Variants in ARNT2 observed in about 807,000 individuals in gnomAD.
ARNT2 encodes the protein ARNT protein 2.
ARNT2 carries 36 observed loss-of-function variants against 91.7 expected under a neutral mutation model. The observed-to-expected ratio is 0.39, with a 90% CI of 0.30 to 0.52. ARNT2 has a LOEUF of 0.52. Among genes scored for constraint, ARNT2 ranks in the 20% least tolerant of loss-of-function variants. The pLI is 0.72. For synonymous variants in ARNT2, 365 were observed against 347.1 expected, an observed-to-expected ratio of 1.05 and a Z score of -0.57; for missense variants, 775 against 939.3, an observed-to-expected ratio of 0.83 and a Z score of 2.29.
Position 80,529,136 on chromosome 15 carries a change from T to A in ARNT2, c.877+14731T>A, listed in dbSNP as rs192716423. Among the ~76,000 whole-genome samples, 53 of 152,358 alleles carry A rather than the reference T, an allele frequency of 3.5e-4. 1 individual carries two copies. Among genetic ancestry groups the A allele is most frequent in the African/African-American group, 1.2e-3 (48 of 41,592 alleles). On this transcript the variant is annotated intron_variant, in intron 8 of 18. Coordinates refer to ENST00000303329, the MANE Select transcript of ARNT2 (RefSeq NM_014862.4). The stretch of plus-strand genomic sequence containing the variant: ...CTTCATTTCATGACTTCTTGCAAGG[T>A]TGAGAAGTTCTTCCTGTTGCTCTCG...
At chr15:80,447,505 A>G (rs3858942) in intron 1 of ARNT2, among the ~76,000 whole-genome samples, 90,534 of 152,076 alleles carry the variant, frequency 0.6, 27,127 homozygotes, top group East Asian at 0.76. Flanking sequence ...GGTTTAGCCA[A>G]CTTTGCTCTA....
intron 1 of ARNT2, chr15:80,441,233 C>T: frequency 1.0e-6 from 1 of 985,388 alleles, no homozygotes; most frequent in Non-Finnish European, 1.2e-6. Context: ...GTAAACAGAT[C>T]TGTGATGACA....
chr15:80,425,023 T>C lies in ARNT2; in HGVS notation c.31+20477T>C, dbSNP rs566249579. 1.8e-4 allele frequency among the ~76,000 whole-genome samples: 27 copies of C among 152,332 alleles called. No individual in the cohort carries two copies. In the South Asian group the frequency reaches 5.6e-3, roughly 32 times the overall value. On this transcript the variant is annotated intron_variant, in intron 1 of 18. Transcript: ENST00000303329. ...ATGAGATAGTCAACAAACGAATTAC[T>C]AAAATAAAACTATATCATGAACATG...
intron 1 of ARNT2, among the ~76,000 whole-genome samples, chr15:80,436,631 C>A (rs1427892282): frequency 6.6e-6 from 1 of 152,124 alleles, no homozygotes; most frequent in Non-Finnish European, 1.5e-5. Flanking sequence ...CTTGTGTGGG[C>A]CCTGGCACCA....
At chr15:80,436,689 C>T (rs1896092948) in intron 1 of ARNT2, among the ~76,000 whole-genome samples, 1 of 152,160 alleles carries the variant, frequency 6.6e-6, no homozygotes, top group Non-Finnish European at 1.5e-5. Flanking sequence ...AATCAGTACA[C>T]GTGGAGAAGG....
chr15:80,576,653 A>G (rs1898681020), intron 14 of ARNT2, among the ~76,000 whole-genome samples: 1 of 152,250 alleles, frequency 6.6e-6, no homozygotes, highest in Non-Finnish European at 1.5e-5. Context: ...CCTAGGGGTC[A>G]AGAACAACAG....
chr15:80,556,623 G>A (rs942665456), intron 11 of ARNT2: 1 of 152,562 alleles, frequency 6.6e-6, no homozygotes, highest in African/African-American at 2.4e-5. Flanking sequence ...CTGAGTAACA[G>A]TGTCATGCAC....
At chr15:80,499,417 C>G (rs1008378679) in intron 5 of ARNT2, among the ~76,000 whole-genome samples, 4 of 152,204 alleles carry the variant, frequency 2.6e-5, no homozygotes, top group African/African-American at 9.7e-5. Context: ...TGTCAAAGGC[C>G]ACAGAACATT....
intron 18 of ARNT2, among the ~76,000 whole-genome samples, chr15:80,592,009 G>A (rs1893288743): frequency 6.6e-6 from 1 of 152,122 alleles, no homozygotes; most frequent in South Asian, 2.1e-4. Context: ...CAAGGCCAAA[G>A]GGGGTCTCTC....
chr15:80,538,537 A>G (rs563352178), intron 8 of ARNT2, among the ~76,000 whole-genome samples: 1 of 152,348 alleles, frequency 6.6e-6, no homozygotes, highest in East Asian at 1.9e-4. Flanking sequence ...AATATGGACT[A>G]TTTTGTAATT....
chr15:80,545,306 G>A (rs894451278), intron 8 of ARNT2, among the ~76,000 whole-genome samples: 6 of 152,222 alleles, frequency 3.9e-5, no homozygotes, highest in Non-Finnish European at 8.8e-5. Context: ...TTGAAAGAGG[G>A]CAGGGCTCTT....
intron 12 of ARNT2, 116 bp downstream of exon 12, chr15:80,563,355 C>A (rs966567482): frequency 7.4e-7 from 1 of 1,354,238 alleles, no homozygotes; most frequent in Non-Finnish European, 1.0e-6. Flanking sequence ...GCTGGAAATC[C>A]CTGTAGGATT....
intron 8 of ARNT2, among the ~76,000 whole-genome samples, chr15:80,538,471 G>A (rs1897856981): frequency 6.6e-6 from 1 of 152,028 alleles, no homozygotes; most frequent in African/African-American, 2.4e-5. Flanking sequence ...TCAGTTATTT[G>A]TACAAAGGAA....
chr15:80,443,601 CATATG>C (rs958949436), intron 1 of ARNT2, among the ~76,000 whole-genome samples: 5 of 152,162 alleles, frequency 3.3e-5, no homozygotes, highest in African/African-American at 1.2e-4. Flanking sequence ...TAGGAGGACA[CATATG>C]ATAGGAGGCT....
intron 5 of ARNT2, among the ~76,000 whole-genome samples, chr15:80,479,449 C>T (rs1378951003): frequency 6.6e-6 from 1 of 152,096 alleles, no homozygotes; most frequent in East Asian, 1.9e-4. Flanking sequence ...ATGGGTGAAG[C>T]CTTACCATAC....
At chr15:80,478,153 C>A (rs780278134) in intron 5 of ARNT2, among the ~76,000 whole-genome samples, 28 of 152,302 alleles carry the variant, frequency 1.8e-4, no homozygotes, top group Non-Finnish European at 2.9e-4. Context: ...GAAAACCAAC[C>A]AACCAGGAAA....
chr15:80,524,708 C>G (rs1472829968), intron 8 of ARNT2, among the ~76,000 whole-genome samples: 1 of 151,968 alleles, frequency 6.6e-6, no homozygotes, highest in Admixed American at 6.6e-5. Context: ...AACCCTGTCT[C>G]TATTAAAAAT....
intron 4 of ARNT2, 57 bp from the exon 5 acceptor site, chr15:80,474,953 G>A: frequency 1.3e-6 from 2 of 1,553,354 alleles, no homozygotes; most frequent in East Asian, 2.3e-5. Context: ...CAATAAGAAA[G>A]TTGAATCATC....
At chr15:80,416,761 T>C (rs956509571) in intron 1 of ARNT2, among the ~76,000 whole-genome samples, 1 of 152,238 alleles carries the variant, frequency 6.6e-6, no homozygotes, top group African/African-American at 2.4e-5. Flanking sequence ...TGCGCTTTTC[T>C]AAAATTTTAA....
Sources: gnomAD v4.1 joint callset for allele counts (sites outside exome capture counted in the v4.1 genomes callset) on GRCh38, gnomAD v4.1.1 for gene constraint, MANE v1.5 for transcripts, NCBI Gene and HGNC (gene_info 2026-07-23, HGNC 2026-07-21) for gene names.